The following RBFOX2 variants were observed in gnomAD, a reference collection of about 807,000 sequenced individuals.
The protein encoded by RBFOX2 is RNA binding protein fox-1 homolog 2.
Under a neutral mutation model 49.1 loss-of-function variants are expected in RBFOX2, and 10 were observed. That is an observed-to-expected ratio of 0.20 (90% CI 0.13 to 0.35). The LOEUF (loss-of-function observed/expected upper bound fraction) is 0.35. Ranked by LOEUF, RBFOX2 falls within the 10% of genes least tolerant of loss-of-function variation. The pLI, the probability that RBFOX2 is intolerant of heterozygous loss-of-function variation, is 1.00. For synonymous variants in RBFOX2, 183 were observed against 187.4 expected (o/e 0.98, Z 0.19); for missense variants, 323 against 486.9 (o/e 0.66, Z 3.17).
At chr22:35,932,597 T>C (rs562633233) in intron 1 of RBFOX2, among the ~76,000 whole-genome samples, 3 of 152,316 alleles carry the variant, frequency 2.0e-5, no homozygotes, top group South Asian at 2.1e-4. Context: ...CATCAAAGAA[T>C]GGGCCCCGCG....
chr22:36,015,975 T>C (rs564822003), intron 1 of RBFOX2, among the ~76,000 whole-genome samples: 6 of 152,256 alleles, frequency 3.9e-5, no homozygotes, highest in African/African-American at 1.4e-4. Flanking sequence ...TGTAGCTGCT[T>C]TTCCACTTGC....
intron 1 of RBFOX2, among the ~76,000 whole-genome samples, chr22:35,913,534 ATG>A (rs2050068955): frequency 6.7e-6 from 1 of 149,142 alleles, no homozygotes; most frequent in South Asian, 2.2e-4. Flanking sequence ...TCATTATAAT[ATG>A]TGTGTATATG....
rs147972560 is a variant in RBFOX2, at chr22:35,947,967, C to G, written c.43-9070G>C. Among the ~76,000 whole-genome samples, 634 of 152,308 alleles carry G rather than the reference C, an allele frequency of 4.2e-3. 6 individuals carry two copies. Among genetic ancestry groups the G allele is most frequent in the Middle Eastern group, 0.01 (3 of 294 alleles). ...AGTGTACAGTAATGCCCGAAGCCTT[C>G]ACATCCACTCACACTCACTCACTGA... On this transcript the variant is annotated intron_variant, in intron 1 of 5. Transcript: ENST00000408983.
chr22:35,836,509 C>A (rs1957705443), intron 1 of RBFOX2: 1 of 152,294 alleles, frequency 6.6e-6, no homozygotes, highest in East Asian at 1.9e-4. Context: ...CCAGAGCGGC[C>A]TGCTGCCACA....
intron 4 of RBFOX2, among the ~76,000 whole-genome samples, chr22:35,775,834 T>C (rs903638677): frequency 2.1e-5 from 2 of 93,490 alleles, no homozygotes; most frequent in African/African-American, 1.3e-4. Context: ...AGAGCGAGAA[T>C]CTGCCTCAAA....
At chr22:35,934,160 C>T (rs1232612495) in intron 1 of RBFOX2, among the ~76,000 whole-genome samples, 1 of 150,638 alleles carries the variant, frequency 6.6e-6, no homozygotes, top group Non-Finnish European at 1.5e-5. Flanking sequence ...AGACCGTGTT[C>T]CTCTTTAAAA....
chr22:35,886,284 A>G (rs1377460323), intron 1 of RBFOX2, among the ~76,000 whole-genome samples: 1 of 152,168 alleles, frequency 6.6e-6, no homozygotes, highest in African/African-American at 2.4e-5. Context: ...CAAGTAACAT[A>G]TGTTCTCTTA....
At chr22:35,788,764 T>C (rs1266570695) in intron 2 of RBFOX2, among the ~76,000 whole-genome samples, 5 of 152,248 alleles carry the variant, frequency 3.3e-5, no homozygotes, top group Non-Finnish European at 7.3e-5. Flanking sequence ...CATAGTTATA[T>C]GCCTCAGTGT....
At chr22:35,800,650 C>T (rs560012725) in intron 2 of RBFOX2, among the ~76,000 whole-genome samples, 15 of 152,196 alleles carry the variant, frequency 9.9e-5, no homozygotes, top group South Asian at 2.1e-4. Context: ...TTCACCAAGA[C>T]GCCTCAGCTT....
intron 1 of RBFOX2, among the ~76,000 whole-genome samples, chr22:35,950,341 T>C (rs991426612): frequency 6.6e-6 from 1 of 152,126 alleles, no homozygotes; most frequent in Non-Finnish European, 1.5e-5. Flanking sequence ...ATGCATGATG[T>C]CAAGCTTTAC....
intron 1 of RBFOX2, among the ~76,000 whole-genome samples, chr22:35,828,481 A>G (rs1457817915): frequency 6.6e-6 from 1 of 152,172 alleles, no homozygotes; most frequent in African/African-American, 2.4e-5. Flanking sequence ...AGAGAAAGAG[A>G]GCTCTAAAGA....
chr22:35,776,520 A>T (rs1393020155), intron 4 of RBFOX2, among the ~76,000 whole-genome samples: 3 of 152,212 alleles, frequency 2.0e-5, no homozygotes, highest in Non-Finnish European at 2.9e-5. Flanking sequence ...ATACATTTTT[A>T]AGTGTACAGA....
chr22:35,794,375 T>C (rs1343425024), intron 2 of RBFOX2, among the ~76,000 whole-genome samples: 1 of 152,106 alleles, frequency 6.6e-6, no homozygotes, highest in East Asian at 1.9e-4. Flanking sequence ...AAATGCTTTT[T>C]AGGCCGTGCG....
At chr22:35,807,485 T>C (rs1240128132) in intron 2 of RBFOX2, among the ~76,000 whole-genome samples, 1 of 151,604 alleles carries the variant, frequency 6.6e-6, no homozygotes, top group Non-Finnish European at 1.5e-5. Flanking sequence ...GGAAACAACA[T>C]ACTCCTATGC....
chr22:35,753,856 C>T (rs1935922852), intron 9 of RBFOX2, among the ~76,000 whole-genome samples: 1 of 137,592 alleles, frequency 7.3e-6, no homozygotes, highest in Non-Finnish European at 1.5e-5. Flanking sequence ...AATCTCGGCT[C>T]ACTGCAACCT....
intron 1 of RBFOX2, among the ~76,000 whole-genome samples, chr22:36,018,234 G>A (rs893790923): frequency 6.6e-6 from 1 of 152,182 alleles, no homozygotes; most frequent in Non-Finnish European, 1.5e-5. Flanking sequence ...AATCTAAAAA[G>A]TCCTTTAACA....
chr22:36,022,599 C>T (rs1219251043), intron 1 of RBFOX2, among the ~76,000 whole-genome samples: 1 of 152,188 alleles, frequency 6.6e-6, no homozygotes, highest in East Asian at 1.9e-4. Context: ...TCTCCATCTA[C>T]AATATTTACC....
At chr22:35,809,844 C>G in exon 2 of RBFOX2, 4 of 1,614,022 alleles carry the variant, frequency 2.5e-6, no homozygotes, top group Non-Finnish European at 3.4e-6. Flanking sequence ...TTGCGTACTT[C>G]CGTAGAGTGT....
chr22:35,840,170 G>A lies in RBFOX2; in HGVS notation c.27+22C>T, dbSNP rs562226878. 5.0e-5 allele frequency: 81 copies of A among 1,612,428 alleles called. 3 individuals carry two copies. In the South Asian group the frequency reaches 8.7e-4, roughly 17 times the overall value. On this transcript the variant is annotated intron_variant, in intron 1 of 11. Transcript: ENST00000405409. ...ATCCCAGAGAGGAGAAAAGAAACATGCCGAGGAAGCACAAATCTTACCTGA... is the reference window on the plus strand; with the variant it reads ...ATCCCAGAGAGGAGAAAAGAAACATACCGAGGAAGCACAAATCTTACCTGA...
Sources: gnomAD v4.1 joint callset for allele counts (sites outside exome capture counted in the v4.1 genomes callset) on GRCh38, gnomAD v4.1.1 for gene constraint, MANE v1.5 for transcripts, NCBI Gene and HGNC (gene_info 2026-07-23, HGNC 2026-07-21) for gene names.